PLEKHO1: variants seen among roughly 807,000 people sequenced by gnomAD.
PLEKHO1 encodes the protein pleckstrin homology domain containing O1, also known as pleckstrin homology domain-containing family O member 1.
Under a neutral mutation model 41.4 loss-of-function variants are expected in PLEKHO1, and 22 were observed. The observed-to-expected ratio is 0.53, with a 90% CI of 0.38 to 0.76. PLEKHO1 has a LOEUF of 0.76. PLEKHO1 is among the 30% of genes least tolerant of loss of function. The pLI, the probability that PLEKHO1 is intolerant of heterozygous loss-of-function variation, is 0.00. For missense variants in PLEKHO1, 488 were observed against 518.3 expected (o/e 0.94, Z 0.57); for synonymous variants, 225 against 210.8 (o/e 1.07, Z -0.58).
chr1:150,154,233 G>T (rs1345551932), intron 2 of PLEKHO1: 1 of 152,356 alleles, frequency 6.6e-6, no homozygotes, highest in African/African-American at 2.4e-5. Flanking sequence ...GGAGAAGGAG[G>T]GGGAGAGGAG....
intron 2 of PLEKHO1, chr1:150,154,989 T>C (rs1323250104): frequency 3.9e-5 from 6 of 152,122 alleles, no homozygotes; most frequent in African/African-American, 9.7e-5. Flanking sequence ...AGAGAAAACA[T>C]TGTGGTCAGT....
intron 5 of PLEKHO1, among the ~76,000 whole-genome samples, chr1:150,158,580 T>A (rs1660274403): frequency 6.6e-6 from 1 of 151,396 alleles, no homozygotes; most frequent in Non-Finnish European, 1.5e-5. Flanking sequence ...TCCCAGCTAC[T>A]CGGGAGGCTG....
rs782393078 is a variant in PLEKHO1 at position 150,157,407 on chromosome 1, A to G, written c.446A>G (p.Tyr149Cys). The part of the protein sequence containing the change: ...LDEVTVEEDS[Y>C]LAHPTRDRAK... The stretch of plus-strand genomic sequence containing the variant: ...CAGGTCACCGTTGAGGAGGACAGCT[A>G]TCTTGCCCATCCCACTCGAGACAGG... Residue 149 changes from tyrosine to cysteine, a missense_variant, in exon 5 of 6, where the codon TAT (tyrosine) becomes TGT (cysteine). By Grantham distance (194) the Tyr-to-Cys change is radical. Transcript: ENST00000369124. The G allele has an allele frequency of 6.2e-7, 1 of 1,613,856 alleles. No individual in the cohort carries two copies. Among genetic ancestry groups the G allele is most frequent in the South Asian group, 1.1e-5 (1 of 91,068 alleles).
chr1:150,157,206 C>A (rs1660208789), intron 4 of PLEKHO1, 179 bp from the exon 5 acceptor site: 1 of 703,608 alleles, frequency 1.4e-6, no homozygotes, highest in African/African-American at 1.8e-5. Flanking sequence ...CTCCTCTTCC[C>A]CGCTTCATGA....
chr1:150,150,714 G>T (rs956617464), intron 1 of PLEKHO1, 198 bp from the exon 2 acceptor site: 52 of 559,648 alleles, frequency 9.3e-5, no homozygotes, highest in Non-Finnish European at 1.5e-4. Flanking sequence ...GTTTATTCGG[G>T]AGCGGGGGAG....
chr1:150,159,380 T>A lies in PLEKHO1; in HGVS notation c.1087T>A (p.Ser363Thr). Residue 363 changes from serine (S) to threonine (T), a missense_variant, in exon 6 of 6, where the codon TCA becomes ACA. Ser to Thr is a moderately conservative substitution (Grantham distance 58). Coordinates refer to ENST00000369124, the MANE Select transcript of PLEKHO1 (RefSeq NM_016274.6). ...GACGGAACGGCTGCTGGGAGAGGCA[T>A]CATCGAATTGGAGCCAGGCAAAGAG... Reference protein sequence around the residue: ...LETERLLGEASSNWSQAKRVL... With the variant: ...LETERLLGEATSNWSQAKRVL... The A allele has an allele frequency of 6.2e-7, 1 of 1,613,990 alleles. No homozygotes were observed. Among genetic ancestry groups the A allele is most frequent in the Admixed American group, 1.7e-5 (1 of 60,004 alleles).
At chr1:150,158,051 G>A (rs1287482979) in intron 5 of PLEKHO1, among the ~76,000 whole-genome samples, 1 of 152,178 alleles carries the variant, frequency 6.6e-6, no homozygotes, top group Non-Finnish European at 1.5e-5. Context: ...GCTGCTGTGA[G>A]GAATGACTAA....
chr1:150,159,311 C>T lies in PLEKHO1; in HGVS notation c.1018C>T (p.Pro340Ser), dbSNP rs1553821517. ...GDGKRKAKDP[P>S]RSPPDSESEQ... Reference sequence around the variant, plus strand: ...TGGGAAGCGAAAGGCCAAGGACCCCCCTCGGTCTCCGCCGGATTCTGAGTC... The same window carrying T: ...TGGGAAGCGAAAGGCCAAGGACCCCTCTCGGTCTCCGCCGGATTCTGAGTC... Residue 340 changes from proline (P) to serine (S), a missense_variant, in exon 6 of 6, where the codon CCT becomes TCT. By Grantham distance (74) the Pro-to-Ser change is moderately conservative (BLOSUM62 -1). Around this residue, in one of 3 missense-constraint regions of PLEKHO1, gnomAD observed 337 missense variants for 324.6 expected, o/e 1.04. Transcript: ENST00000369124. 1 of 1,614,194 alleles carries T rather than the reference C, an allele frequency of 6.2e-7. No homozygotes were observed. Among genetic ancestry groups the T allele is most frequent in the Admixed American group, 1.7e-5 (1 of 60,026 alleles).
At chr1:150,156,315 C>T (rs1660165728) in intron 3 of PLEKHO1, 109 bp downstream of exon 3, 2 of 870,102 alleles carry the variant, frequency 2.3e-6, no homozygotes, top group Non-Finnish European at 3.6e-6. Flanking sequence ...TTCAGATTCC[C>T]TGAATTGCTC....
chr1:150,152,629 C>A (rs1553819300), intron 2 of PLEKHO1: 1 of 146,428 alleles, frequency 6.8e-6, no homozygotes, highest in African/African-American at 2.5e-5. Flanking sequence ...TAAGAGTTAC[C>A]TCTGCCCAAT....
In PLEKHO1 at chr1:150,159,798, C is replaced by T. The variant is rs1323886804; in HGVS notation, c.*275C>T. The T allele has an allele frequency of 6.2e-6, 2 of 324,936 alleles. No homozygotes were observed. The highest frequency in any genetic ancestry group is 2.1e-5 in the African/African-American group (1 of 48,200). 20.1% of individuals were successfully genotyped at this position (324,936 alleles called of 1,614,324 possible). On this transcript the variant is annotated 3_prime_UTR_variant, in exon 6 of 6. Coordinates refer to ENST00000369124, the MANE Select transcript of PLEKHO1 (RefSeq NM_016274.6). Reference sequence around the variant, plus strand: ...AGGCACGGTAAAGACACAGTCTGACCACTCCACACACCGCCCGCCCCCAAG... The same window carrying T: ...AGGCACGGTAAAGACACAGTCTGACTACTCCACACACCGCCCGCCCCCAAG...
chr1:150,158,644 G>A (rs1345570971), intron 5 of PLEKHO1, among the ~76,000 whole-genome samples, 175 bp from the exon 6 acceptor site: 1 of 151,934 alleles, frequency 6.6e-6, no homozygotes, highest in African/African-American at 2.4e-5. Flanking sequence ...AGCTCAAATC[G>A]TGCCACTGCA....
rs782335519 is a variant in PLEKHO1 at position 150,159,069 on chromosome 1, A to G, written c.776A>G (p.Lys259Arg). ...GCCACCTACACCCCCCAGGCACCCA[A>G]GAAGTTGACGCCCACAGAGAAAGGC... ...KGATYTPQAP[K>R]KLTPTEKGRC... Residue 259 changes from lysine (K) to arginine (R), a missense_variant, in exon 6 of 6, where the codon AAG (lysine) becomes AGG (arginine). Physicochemically the swap from Lys to Arg is conservative, Grantham distance 26. Around this residue, in one of 3 missense-constraint regions of PLEKHO1, gnomAD observed 337 missense variants for 324.6 expected, o/e 1.04. Coordinates refer to ENST00000369124, the MANE Select transcript of PLEKHO1 (RefSeq NM_016274.6). The G allele has an allele frequency of 6.2e-7, 1 of 1,614,074 alleles. No individual in the cohort carries two copies. Among genetic ancestry groups the G allele is most frequent in the Admixed American group, 1.7e-5 (1 of 60,018 alleles).
At chr1:150,152,698 A>AC in intron 2 of PLEKHO1, 3 of 141,654 alleles carry the variant, frequency 2.1e-5, no homozygotes, top group African/African-American at 8.9e-5. Context: ...TAAAAAAAAA[A>AC]AAAAAAAAAA....
At chr1:150,157,976 G>A (rs1420208055) in intron 5 of PLEKHO1, among the ~76,000 whole-genome samples, 1 of 152,176 alleles carries the variant, frequency 6.6e-6, no homozygotes, top group African/African-American at 2.4e-5. Flanking sequence ...AGCTACCTGT[G>A]TGGTTCCCTG....
intron 2 of PLEKHO1, among the ~76,000 whole-genome samples, chr1:150,151,386 C>T (rs587695399): frequency 1.3e-5 from 2 of 152,330 alleles, no homozygotes; most frequent in South Asian, 4.1e-4. Context: ...TATAGGATTT[C>T]TTTTCTATTT....
chr1:150,157,171 C>G (rs1553820615), intron 4 of PLEKHO1, 156 bp downstream of exon 4: 1 of 696,830 alleles, frequency 1.4e-6, no homozygotes, highest in African/African-American at 1.8e-5. Context: ...CTCTTTCTAC[C>G]TTCTCTCCAA....
rs587728991 is a variant in PLEKHO1, at chr1:150,151,128, C to T, written c.177+70C>T. 1.5e-5 allele frequency: 24 copies of T among 1,555,334 alleles called. No individual in the cohort carries two copies. In the African/African-American group the frequency reaches 1.9e-4, roughly 12 times the overall value. ...ACTTTGTCACTCCCCAAGGGCTCGC[C>T]TAGCTTACTCCACCCCCGTTTTGTT... On this transcript the variant is annotated intron_variant, in intron 2 of 5. Coordinates refer to ENST00000369124, the MANE Select transcript of PLEKHO1 (RefSeq NM_016274.6).
intron 5 of PLEKHO1, among the ~76,000 whole-genome samples, chr1:150,158,437 G>A (rs1486883756): frequency 2.6e-5 from 4 of 152,160 alleles, no homozygotes; most frequent in Admixed American, 1.3e-4. Context: ...TGTAATCCCA[G>A]TACTTTGGGA....
Sources: gnomAD v4.1 joint callset for allele counts (sites outside exome capture counted in the v4.1 genomes callset) on GRCh38, gnomAD v4.1.1 for gene constraint, gnomAD v4.1.1 regional missense constraint, MANE v1.5 for transcripts, NCBI Gene and HGNC (gene_info 2026-07-23, HGNC 2026-07-21) for gene names.